IL1RAPL1: variants seen among roughly 807,000 people sequenced by gnomAD.
IL1RAPL1 encodes interleukin 1 receptor accessory protein like 1, also known as interleukin-1 receptor accessory protein-like 1.
In IL1RAPL1, 3 loss-of-function variants were observed where a neutral mutation model predicts 48.4. The ratio of observed to expected loss-of-function variants is 0.06; its 90% CI spans 0.03 to 0.16. The LOEUF is 0.16. Among genes scored for constraint, IL1RAPL1 ranks in the 10% least tolerant of loss-of-function variants. The pLI is 1.00. For synonymous variants in IL1RAPL1, 185 were observed against 187.7 expected (o/e 0.99, Z 0.12); for missense variants, 349 against 530.6 (o/e 0.66, Z 3.36).
intron 2 of IL1RAPL1, among the ~76,000 whole-genome samples, chrX:29,199,278 G>GA (rs1000680834): frequency 9.1e-6 from 1 of 109,652 alleles, no homozygotes; most frequent in Non-Finnish European, 1.9e-5. Flanking sequence ...AATAACACCA[G>GA]AAAAAATACA....
chrX:29,925,293 T>C (rs1355589707), intron 8 of IL1RAPL1, among the ~76,000 whole-genome samples: 1 of 109,552 alleles, frequency 9.1e-6, no homozygotes, highest in Non-Finnish European at 1.9e-5. Flanking sequence ...GCCAAAATAT[T>C]AAGGAATTTT....
At chrX:29,921,150 C>T (rs866511196) in intron 8 of IL1RAPL1, among the ~76,000 whole-genome samples, 6 of 112,314 alleles carry the variant, frequency 5.3e-5, no homozygotes, top group Non-Finnish European at 1.1e-4. Context: ...TAAGTGACAA[C>T]TGTAAAATGT....
intron 1 of IL1RAPL1, among the ~76,000 whole-genome samples, chrX:28,593,538 G>A (rs1933924973): frequency 9.0e-6 from 1 of 111,338 alleles, no homozygotes; most frequent in Admixed American, 9.6e-5. Context: ...TCTTACAGGA[G>A]CTACACCTCT....
intron 3 of IL1RAPL1, among the ~76,000 whole-genome samples, chrX:29,328,570 C>A (rs1932857574): frequency 9.2e-6 from 1 of 108,146 alleles, no homozygotes; most frequent in East Asian, 2.9e-4. Flanking sequence ...CAGGTAACAA[C>A]TTCATGAAAT....
intron 5 of IL1RAPL1, among the ~76,000 whole-genome samples, chrX:29,539,652 G>A (rs1420272017): frequency 9.1e-6 from 1 of 110,436 alleles, no homozygotes; most frequent in Admixed American, 9.7e-5. Context: ...GTTTTCAGGA[G>A]ATCTGGTTAT....
At chrX:28,765,262 C>T (rs1191401822) in intron 1 of IL1RAPL1, among the ~76,000 whole-genome samples, 1 of 110,479 alleles carries the variant, frequency 9.1e-6, no homozygotes, top group East Asian at 2.8e-4. Context: ...TGTAAGAAAC[C>T]TGCACGTTGT....
intron 5 of IL1RAPL1, among the ~76,000 whole-genome samples, chrX:29,445,480 C>G (rs748267564): frequency 3.0e-4 from 34 of 112,218 alleles, no homozygotes; most frequent in African/African-American, 1.1e-3. Flanking sequence ...ACCCCACTGG[C>G]CTAAACATTA....
intron 2 of IL1RAPL1, among the ~76,000 whole-genome samples, chrX:29,221,636 C>T (rs1433031218): frequency 2.6e-5 from 2 of 77,601 alleles, no homozygotes; most frequent in African/African-American, 1.4e-4. Context: ...CACACACACA[C>T]ACACACACAC....
intron 2 of IL1RAPL1, among the ~76,000 whole-genome samples, chrX:28,831,026 C>CTGTGTGTGTGTG (rs57923954): frequency 1.5e-4 from 5 of 33,648 alleles, no homozygotes; most frequent in African/African-American, 7.5e-4. Context: ...CTCTCTCTCT[C>CTGTGTGTGTGTG]TGTGTGTGTG....
intron 2 of IL1RAPL1, among the ~76,000 whole-genome samples, chrX:28,983,922 G>A (rs1925403403): frequency 8.9e-6 from 1 of 111,820 alleles, no homozygotes; most frequent in African/African-American, 3.2e-5. Context: ...TACAGAGAAG[G>A]CATAACAAAT....
chrX:28,972,510 G>A (rs750841026), intron 2 of IL1RAPL1, among the ~76,000 whole-genome samples: 4 of 111,293 alleles, frequency 3.6e-5, no homozygotes, highest in African/African-American at 9.8e-5. Flanking sequence ...AGGCTGAGGC[G>A]GGCGGATCAC....
intron 6 of IL1RAPL1, among the ~76,000 whole-genome samples, chrX:29,834,049 G>A (rs1290693953): frequency 8.9e-6 from 1 of 111,907 alleles, no homozygotes; most frequent in Non-Finnish European, 1.9e-5. Context: ...TCTAATCTAT[G>A]TTTGCAGTAA....
At chrX:28,808,485 A>G (rs1936756536) in intron 2 of IL1RAPL1, among the ~76,000 whole-genome samples, 1 of 110,857 alleles carries the variant, frequency 9.0e-6, no homozygotes, top group South Asian at 3.7e-4. Flanking sequence ...GTTAATGAGA[A>G]ACTGTTTTCC....
chrX:28,978,543 G>A lies in IL1RAPL1; in HGVS notation c.82+189118G>A, dbSNP rs1051394255. On this transcript the variant is annotated intron_variant, in intron 2 of 10. Transcript: ENST00000378993. ...CAAGACAACTTTACTCAGAATTTTG[G>A]GGTGATGCCTTGCTTTAGTACTTTT... is the stretch of plus-strand genomic sequence containing the variant. 3.0e-4 allele frequency among the ~76,000 whole-genome samples: 34 copies of A among 111,994 alleles called. 1 individual carries two copies. Among genetic ancestry groups the A allele is most frequent in the African/African-American group, 9.4e-4 (29 of 30,811 alleles).
chrX:29,548,860 G>T lies in IL1RAPL1; in HGVS notation c.704-119570G>T, dbSNP rs755360805. ...TAAGGTGGCAATGGAAATCCAATGA[G>T]AAATAAAGGCTATGAACATTGAATG... On this transcript the variant is annotated intron_variant, in intron 5 of 10. Transcript: ENST00000378993. Among the ~76,000 whole-genome samples, 255 of 111,859 alleles carry T rather than the reference G, an allele frequency of 2.3e-3. 1 individual carries two copies. Among genetic ancestry groups the T allele is most frequent in the African/African-American group, 7.8e-3 (241 of 30,891 alleles).
At chrX:28,699,518 G>T (rs1935272192) in intron 1 of IL1RAPL1, among the ~76,000 whole-genome samples, 1 of 112,451 alleles carries the variant, frequency 8.9e-6, no homozygotes, top group African/African-American at 3.2e-5. Flanking sequence ...AGCGTAGCTG[G>T]ATTGACTCAG....
intron 6 of IL1RAPL1, among the ~76,000 whole-genome samples, chrX:29,863,597 A>T (rs1394814937): frequency 8.9e-6 from 1 of 112,047 alleles, no homozygotes; most frequent in Non-Finnish European, 1.9e-5. Flanking sequence ...TAAATAAAAA[A>T]GGGTTCTCTC....
chrX:29,030,060 A>T (rs1251963059), intron 2 of IL1RAPL1, among the ~76,000 whole-genome samples: 1 of 106,175 alleles, frequency 9.4e-6, no homozygotes, highest in African/African-American at 3.5e-5. Context: ...AACTATATTT[A>T]TATGGGATCT....
chrX:29,908,172 C>CAATT (rs1932681434), intron 6 of IL1RAPL1, among the ~76,000 whole-genome samples: 1 of 110,443 alleles, frequency 9.1e-6, no homozygotes, highest in Admixed American at 9.7e-5. Context: ...TTGCCTTCAT[C>CAATT]AATTATTTAT....
Sources: gnomAD v4.1 joint callset for allele counts (sites outside exome capture counted in the v4.1 genomes callset) on GRCh38, gnomAD v4.1.1 for gene constraint, MANE v1.5 for transcripts, NCBI Gene and HGNC (gene_info 2026-07-23, HGNC 2026-07-21) for gene names.